The following TSHZ1 variants were observed in gnomAD, a reference collection of about 807,000 sequenced individuals.
TSHZ1 encodes teashirt homolog 1.
TSHZ1 carries 12 observed loss-of-function variants against 67.1 expected under a neutral mutation model. The ratio of observed to expected loss-of-function variants is 0.18; its 90% CI spans 0.11 to 0.29. TSHZ1 has a LOEUF of 0.29. Ranked by LOEUF, TSHZ1 falls within the 10% of genes least tolerant of loss-of-function variation. The probability of loss-of-function intolerance (pLI) is 1.00; values close to 1 mark genes in which losing one functional copy is unlikely to be tolerated. For missense variants in TSHZ1, 1,305 were observed against 1,413.9 expected, an observed-to-expected ratio of 0.92 and a Z score of 1.23; for synonymous variants, 632 against 622.4, an observed-to-expected ratio of 1.02 and a Z score of -0.23.
At chr18:75,221,500 C>A (rs1027982512) in intron 1 of TSHZ1, among the ~76,000 whole-genome samples, 1 of 152,212 alleles carries the variant, frequency 6.6e-6, no homozygotes, top group African/African-American at 2.4e-5. Flanking sequence ...CCAATGAATG[C>A]TGAACTGAAG....
rs969889111 is a variant in TSHZ1, at chr18:75,281,151, C to G, written c.41-4297C>G. 3.3e-5 allele frequency among the ~76,000 whole-genome samples: 5 copies of G among 152,220 alleles called. No homozygotes were observed. The highest frequency in any genetic ancestry group is 2.9e-5 in the Non-Finnish European group (2 of 68,036). ...CAGCGTCTGCTGGAAGGGAGAATGT[C>G]ACGGACCAGGAGTGGAGCGAGGTCA... On this transcript the variant is annotated intron_variant, in intron 1 of 1. Coordinates refer to ENST00000580243, the MANE Select transcript of TSHZ1 (RefSeq NM_001308210.2). The surrounding 1 kb of genome is among the most constrained non-coding windows in gnomAD (Gnocchi z 5.3).
At chr18:75,280,630 G>A (rs2023673123) in intron 1 of TSHZ1, 1 of 488,868 alleles carries the variant, frequency 2.0e-6, no homozygotes, top group Non-Finnish European at 2.7e-6. Context: ...CTTTGGGGAA[G>A]TCGGTCAACT....
chr18:75,243,617 C>A (rs2023184924), intron 1 of TSHZ1, among the ~76,000 whole-genome samples: 1 of 152,104 alleles, frequency 6.6e-6, no homozygotes, highest in Non-Finnish European at 1.5e-5. Context: ...TTGTAAGCAG[C>A]AGTTGGAAAA....
chr18:75,226,646 C>T (rs916769686), intron 1 of TSHZ1, among the ~76,000 whole-genome samples: 1 of 151,426 alleles, frequency 6.6e-6, no homozygotes, highest in Admixed American at 6.6e-5. Flanking sequence ...AGGGCACAGA[C>T]ACACTCGATG....
intron 1 of TSHZ1, among the ~76,000 whole-genome samples, chr18:75,227,100 CT>C (rs1183353561): frequency 6.6e-6 from 1 of 152,100 alleles, no homozygotes; most frequent in East Asian, 1.9e-4. Context: ...TTCTAGCAGG[CT>C]TTAAGGATTC....
chr18:75,237,694 C>G (rs2023092350), intron 1 of TSHZ1, among the ~76,000 whole-genome samples: 1 of 152,200 alleles, frequency 6.6e-6, no homozygotes, highest in South Asian at 2.1e-4. Flanking sequence ...TTGCTCACAT[C>G]AAGCTCAAGG....
chr18:75,269,657 TA>T (rs1419093464), intron 1 of TSHZ1, among the ~76,000 whole-genome samples: 1 of 152,218 alleles, frequency 6.6e-6, no homozygotes, highest in South Asian at 2.1e-4. Context: ...ATACGATATA[TA>T]AAATTATATT....
intron 1 of TSHZ1, among the ~76,000 whole-genome samples, chr18:75,226,118 A>G (rs191260307): frequency 5.1e-4 from 77 of 152,372 alleles, no homozygotes; most frequent in Non-Finnish European, 9.8e-4. Context: ...TATAAACATT[A>G]TATCAAATAT....
chr18:75,237,263 T>C (rs1182915032), intron 1 of TSHZ1, among the ~76,000 whole-genome samples: 2 of 152,208 alleles, frequency 1.3e-5, no homozygotes, highest in Admixed American at 6.5e-5. Context: ...AGCTCATGCC[T>C]ATAATCCTAG....
chr18:75,287,045 G>C lies in TSHZ1; in HGVS notation c.1638G>C (p.Lys546Asn). ...AGGAGGACCTGGACGACAGCCCCAAGGGAGGGCTGGACATTCTCAAGTCCC... is the reference window on the plus strand; with the variant it reads ...AGGAGGACCTGGACGACAGCCCCAACGGAGGGCTGGACATTCTCAAGTCCC... Reference protein sequence around the residue: ...LREEDLDDSPKGGLDILKSLE... With the variant: ...LREEDLDDSPNGGLDILKSLE... Residue 546 changes from lysine (K) to asparagine (N), a missense_variant, in exon 2 of 2, where the codon AAG becomes AAC. By Grantham distance (94) the Lys-to-Asn change is moderately conservative. This residue lies in a region of TSHZ1 where 909 missense variants were observed against 961.8 expected (regional missense o/e 0.95). Coordinates refer to ENST00000580243, the MANE Select transcript of TSHZ1 (RefSeq NM_001308210.2). This position sits in a 1 kb window ranked among gnomAD's most constrained non-coding sequence, Gnocchi z 5.0. 6.2e-7 allele frequency: 1 copy of C among 1,614,008 alleles called. No individual in the cohort carries two copies. Among genetic ancestry groups the C allele is most frequent in the Non-Finnish European group, 8.5e-7 (1 of 1,180,002 alleles).
intron 1 of TSHZ1, among the ~76,000 whole-genome samples, chr18:75,269,950 G>A (rs935270001): frequency 2.0e-5 from 3 of 152,188 alleles, no homozygotes; most frequent in Non-Finnish European, 2.9e-5. Flanking sequence ...AGTGTCCTCT[G>A]TAGCCTGTCA....
intron 1 of TSHZ1, among the ~76,000 whole-genome samples, chr18:75,240,207 T>G (rs12961864): frequency 5.3e-5 from 8 of 152,156 alleles, no homozygotes; most frequent in African/African-American, 1.9e-4. Context: ...TGCCTAAGTA[T>G]GGATTTAGTT....
chr18:75,286,820 G>T lies in TSHZ1; in HGVS notation c.1413G>T (p.Pro471=). 2 of 1,613,826 alleles carry T rather than the reference G, an allele frequency of 1.2e-6. No homozygotes were observed. Among genetic ancestry groups the T allele is most frequent in the African/African-American group, 2.7e-5 (2 of 75,032 alleles). The change falls in exon 2 of 2, where the codon CCG becomes CCT. Residue 471 remains proline (P), a synonymous_variant. Transcript: ENST00000580243. This position sits in a 1 kb window ranked among gnomAD's most constrained non-coding sequence, Gnocchi z 5.1. ...AGAAGATCCAGTCCATCCCACTACC[G>T]CCCACCACCCACACGCGGCTGCCGG... The part of the protein sequence containing the change: ...VEEKIQSIPL[P]PTTHTRLPAS...
intron 1 of TSHZ1, among the ~76,000 whole-genome samples, chr18:75,231,519 T>C (rs1228647534): frequency 6.6e-6 from 1 of 152,208 alleles, no homozygotes; most frequent in African/African-American, 2.4e-5. Flanking sequence ...CAGTGTTTCC[T>C]GCCTGCACTC....
At position 75,288,075 on chromosome 18, in the gene TSHZ1, T is replaced by G; in HGVS notation, c.2668T>G (p.Ser890Ala). Reference sequence around the variant, plus strand: ...GGTCCACAAGAGGAAGGGCCGGCAGTCCAACTGGAACCCGCAGCACCTTCT... The same window carrying G: ...GGTCCACAAGAGGAAGGGCCGGCAGGCCAACTGGAACCCGCAGCACCTTCT... Reference protein sequence around the residue: ...SPVHKRKGRQSNWNPQHLLIL... With the variant: ...SPVHKRKGRQANWNPQHLLIL... The change falls in exon 2 of 2, where the codon TCC becomes GCC. Residue 890 changes from serine to alanine, a missense_variant. Physicochemically the swap from Ser to Ala is moderately conservative, Grantham distance 99 (BLOSUM62 1). Coordinates refer to ENST00000580243, the MANE Select transcript of TSHZ1 (RefSeq NM_001308210.2). This position sits in a 1 kb window ranked among gnomAD's most constrained non-coding sequence, Gnocchi z 4.9. 6.2e-7 allele frequency: 1 copy of G among 1,613,602 alleles called. No individual in the cohort carries two copies. The highest frequency in any genetic ancestry group is 8.5e-7 in the Non-Finnish European group (1 of 1,180,004).
At chr18:75,213,157 TA>T (rs1321998919) in intron 1 of TSHZ1, among the ~76,000 whole-genome samples, 1 of 152,218 alleles carries the variant, frequency 6.6e-6, no homozygotes. Context: ...TTACTGCTAC[TA>T]AAAAAATTTG....
At chr18:75,233,183 A>G (rs898064194) in intron 1 of TSHZ1, among the ~76,000 whole-genome samples, 3 of 152,240 alleles carry the variant, frequency 2.0e-5, no homozygotes, top group African/African-American at 7.2e-5. Context: ...TCACATATAA[A>G]AGTGATATCA....
intron 1 of TSHZ1, among the ~76,000 whole-genome samples, chr18:75,269,457 G>A (rs1254972225): frequency 1.3e-5 from 2 of 151,996 alleles, no homozygotes; most frequent in East Asian, 3.9e-4. Flanking sequence ...GGGTGTGGGG[G>A]AATCATGAGC....
chr18:75,237,788 T>TTTA (rs1290756952), intron 1 of TSHZ1, among the ~76,000 whole-genome samples: 1 of 87,720 alleles, frequency 1.1e-5, no homozygotes, highest in Non-Finnish European at 2.7e-5. Context: ...GCCTTCTTTC[T>TTTA]TTCATTTATT....
Sources: allele counts gnomAD v4.1 joint callset (sites outside exome capture counted in the v4.1 genomes callset), GRCh38; gene constraint gnomAD v4.1.1; regional missense constraint gnomAD v4.1.1; non-coding constraint Gnocchi (gnomAD v3.1); transcripts MANE v1.5; gene names NCBI Gene and HGNC (gene_info 2026-07-23, HGNC 2026-07-21).